The following NUDT3 variants were observed in gnomAD, a reference collection of about 807,000 sequenced individuals.
The protein encoded by NUDT3 is diphosphoinositol polyphosphate phosphohydrolase 1.
In NUDT3, 9 loss-of-function variants were observed where a neutral mutation model predicts 23.6. The ratio of observed to expected loss-of-function variants is 0.38; its 90% confidence interval spans 0.23 to 0.66. The LOEUF (loss-of-function observed/expected upper bound fraction) is 0.66, where lower values mean the gene tolerates loss of function less well. Among genes scored for constraint, NUDT3 ranks in the 30% least tolerant of loss-of-function variants. The probability of loss-of-function intolerance (pLI) is 0.52; values close to 1 mark genes in which losing one functional copy is unlikely to be tolerated. For synonymous variants in NUDT3, 86 were observed against 82.6 expected, an observed-to-expected ratio of 1.04 and a Z score of -0.22; for missense variants, 172 against 218.5, an observed-to-expected ratio of 0.79 and a Z score of 1.34.
chr6:34,292,569 C>G (rs1472842163), intron 4 of NUDT3, among the ~76,000 whole-genome samples: 1 of 151,374 alleles, frequency 6.6e-6, no homozygotes, highest in African/African-American at 2.4e-5. Context: ...TGTAAAAGTT[C>G]ATAAATTTTA....
chr6:34,392,207 T>C (rs1457863375), intron 1 of NUDT3, 57 bp downstream of exon 1: 11 of 1,425,656 alleles, frequency 7.7e-6, no homozygotes, highest in Non-Finnish European at 1.0e-5. Flanking sequence ...CCCTCGCGCC[T>C]CCACCCGAAG....
At chr6:34,356,707 G>GAA (rs55841266) in intron 1 of NUDT3, among the ~76,000 whole-genome samples, 1 of 150,692 alleles carries the variant, frequency 6.6e-6, no homozygotes, top group African/African-American at 2.4e-5. Flanking sequence ...AACTGAGGGG[G>GAA]AAAAAAAAAT....
At chr6:34,319,140 G>A (rs1763903164) in intron 2 of NUDT3, among the ~76,000 whole-genome samples, 1 of 152,098 alleles carries the variant, frequency 6.6e-6, no homozygotes, top group African/African-American at 2.4e-5. Context: ...AATCAACACA[G>A]AAGGCTTCTG....
At chr6:34,346,462 C>G (rs1396314673) in intron 1 of NUDT3, among the ~76,000 whole-genome samples, 1 of 152,132 alleles carries the variant, frequency 6.6e-6, no homozygotes, top group Non-Finnish European at 1.5e-5. Flanking sequence ...AAAACCTTTA[C>G]AGGAATATTT....
At chr6:34,320,232 C>CT (rs954287858) in intron 2 of NUDT3, among the ~76,000 whole-genome samples, 22 of 148,574 alleles carry the variant, frequency 1.5e-4, no homozygotes, top group South Asian at 6.3e-4. Context: ...CTTTTCTGCT[C>CT]TTTTTTTTTT....
At chr6:34,327,149 C>A (rs1764048119) in intron 2 of NUDT3, among the ~76,000 whole-genome samples, 1 of 152,048 alleles carries the variant, frequency 6.6e-6, no homozygotes, top group African/African-American at 2.4e-5. Flanking sequence ...GTCACATGAT[C>A]ATAGGACAGG....
chr6:34,313,516 A>G (rs796740778), intron 2 of NUDT3, among the ~76,000 whole-genome samples: 13 of 152,214 alleles, frequency 8.5e-5, no homozygotes, highest in African/African-American at 2.9e-4. Context: ...GGTGATTATG[A>G]TGTGTCAGTG....
chr6:34,354,986 G>C (rs1267849433), intron 1 of NUDT3, among the ~76,000 whole-genome samples: 1 of 151,632 alleles, frequency 6.6e-6, no homozygotes, highest in African/African-American at 2.4e-5. Flanking sequence ...AGATAGTTTT[G>C]CCTCTTCCCC....
intron 2 of NUDT3, among the ~76,000 whole-genome samples, chr6:34,297,621 T>G (rs1763521317): frequency 6.9e-6 from 1 of 144,510 alleles, no homozygotes. Flanking sequence ...CACTACAACC[T>G]CCGTCTCCCA....
intron 2 of NUDT3, among the ~76,000 whole-genome samples, chr6:34,300,699 T>C (rs987436924): frequency 5.3e-5 from 8 of 152,218 alleles, no homozygotes; most frequent in African/African-American, 1.9e-4. Flanking sequence ...AGCAATGAAG[T>C]AATAATGGCC....
At chr6:34,309,307 CAT>C (rs1491409149) in intron 2 of NUDT3, among the ~76,000 whole-genome samples, 1 of 152,010 alleles carries the variant, frequency 6.6e-6, no homozygotes, top group African/African-American at 2.4e-5. Context: ...TTCTAAATAA[CAT>C]ATGAATTAAA....
intron 1 of NUDT3, among the ~76,000 whole-genome samples, chr6:34,382,175 T>C (rs1361612521): frequency 1.3e-5 from 2 of 149,136 alleles, no homozygotes; most frequent in Non-Finnish European, 3.0e-5. Flanking sequence ...GGAGGGAGGA[T>C]CACTTGAGCC....
chr6:34,349,886 C>T (rs1445571261), intron 1 of NUDT3, among the ~76,000 whole-genome samples: 2 of 150,252 alleles, frequency 1.3e-5, no homozygotes, highest in Non-Finnish European at 3.0e-5. Context: ...GTCAGGAGAT[C>T]GAGACCATCC....
chr6:34,363,833 C>T (rs1033337918), intron 1 of NUDT3, among the ~76,000 whole-genome samples: 4 of 151,494 alleles, frequency 2.6e-5, no homozygotes, highest in South Asian at 2.1e-4. Context: ...AGTGCAGTAG[C>T]GCGATCTCAG....
intron 1 of NUDT3, among the ~76,000 whole-genome samples, chr6:34,375,807 A>T (rs1764913398): frequency 6.6e-6 from 1 of 152,164 alleles, no homozygotes; most frequent in Non-Finnish European, 1.5e-5. Context: ...CAGTTTTATA[A>T]AGTCATCGTT....
chr6:34,329,366 C>T (rs1764091863), intron 2 of NUDT3, among the ~76,000 whole-genome samples: 1 of 152,178 alleles, frequency 6.6e-6, no homozygotes, highest in Non-Finnish European at 1.5e-5. Context: ...CTGCAACTTC[C>T]ACTGCCCGGG....
rs56691878 is a variant in NUDT3 at position 34,361,408 on chromosome 6, C to T, written c.100-19436G>A. Among the ~76,000 whole-genome samples, 715 of 152,302 alleles carry T rather than the reference C, an allele frequency of 4.7e-3. 5 individuals carry two copies. The highest frequency in any genetic ancestry group is 0.016 in the African/African-American group (679 of 41,570). The stretch of plus-strand genomic sequence containing the variant: ...TGGTGGGGATGTGGAGCAACAGAAA[C>T]TCATTTGCTCACTGGGGTGAATACA... On this transcript the variant is annotated intron_variant, in intron 1 of 4. Transcript: ENST00000607016.
chr6:34,353,344 G>T (rs552383690), intron 1 of NUDT3, among the ~76,000 whole-genome samples: 1 of 151,786 alleles, frequency 6.6e-6, no homozygotes, highest in East Asian at 1.9e-4. Context: ...AAAGCAGAGA[G>T]AAAATATAAT....
At chr6:34,318,245 C>A (rs1763890370) in intron 2 of NUDT3, among the ~76,000 whole-genome samples, 1 of 152,150 alleles carries the variant, frequency 6.6e-6, no homozygotes, top group Non-Finnish European at 1.5e-5. Context: ...CTAACTTTTA[C>A]AATTGCTCGA....
Sources: allele counts gnomAD v4.1 joint callset (sites outside exome capture counted in the v4.1 genomes callset), GRCh38; gene constraint gnomAD v4.1.1; transcripts MANE v1.5; gene names NCBI Gene and HGNC (gene_info 2026-07-23, HGNC 2026-07-21).